Variants in ARHGAP26 observed in about 807,000 individuals in gnomAD.
The protein encoded by ARHGAP26 is Rho GTPase activating protein 26.
In ARHGAP26, 38 loss-of-function variants were observed where a neutral mutation model predicts 104.8. That is an observed-to-expected ratio of 0.36 (90% confidence interval 0.28 to 0.48). The LOEUF is 0.48. ARHGAP26 is among the 20% of genes least tolerant of loss of function. The pLI, the probability that ARHGAP26 is intolerant of heterozygous loss-of-function variation, is 0.99. For synonymous variants in ARHGAP26, 341 were observed against 340.0 expected (o/e 1.00, Z -0.03); for missense variants, 704 against 947.9 (o/e 0.74, Z 3.38).
At chr5:142,846,190 G>T (rs1478163437) in intron 1 of ARHGAP26, among the ~76,000 whole-genome samples, 2 of 152,182 alleles carry the variant, frequency 1.3e-5, no homozygotes, top group Non-Finnish European at 2.9e-5. Flanking sequence ...CCAGACGCTG[G>T]CTTTGTGTAT....
intron 16 of ARHGAP26, among the ~76,000 whole-genome samples, chr5:143,057,291 T>C (rs1446304275): frequency 3.3e-5 from 5 of 152,294 alleles, no homozygotes; most frequent in Non-Finnish European, 7.4e-5. Flanking sequence ...TGCATAAAGT[T>C]CCTTACTTCC....
intron 20 of ARHGAP26, among the ~76,000 whole-genome samples, chr5:143,178,001 T>C (rs1297614637): frequency 7.5e-6 from 1 of 132,718 alleles, no homozygotes; most frequent in East Asian, 2.1e-4. Flanking sequence ...TTTTTTTTTT[T>C]TTTTTTTTTT....
At chr5:143,183,100 A>T (rs1265315384) in intron 20 of ARHGAP26, among the ~76,000 whole-genome samples, 1 of 151,962 alleles carries the variant, frequency 6.6e-6, no homozygotes, top group African/African-American at 2.4e-5. Context: ...AAGAAAAAAA[A>T]ACCTCATTTC....
At chr5:142,785,033 C>G (rs1229613141) in intron 1 of ARHGAP26, among the ~76,000 whole-genome samples, 1 of 150,676 alleles carries the variant, frequency 6.6e-6, no homozygotes, top group Non-Finnish European at 1.5e-5. Context: ...TGAGTTCATG[C>G]CATTCTCTTG....
In ARHGAP26 at chr5:142,876,148, G is replaced by A. The variant is rs79964990; in HGVS notation, c.312+977G>A. ...TAAGATATGAGGAATGAAGTCCCCT[G>A]CTGACTTGAAGTCCCCTGCTGCCTG... is the stretch of plus-strand genomic sequence containing the variant. On this transcript the variant is annotated intron_variant, in intron 3 of 22. Transcript: ENST00000645722. Among the ~76,000 whole-genome samples the A allele has an allele frequency of 3.8e-3, 578 of 152,244 alleles. 18 individuals are homozygous for A. The East Asian group carries it at 0.079, about 21-fold the overall frequency.
chr5:142,870,428 T>G (rs1239298805), intron 1 of ARHGAP26, among the ~76,000 whole-genome samples: 2 of 152,204 alleles, frequency 1.3e-5, no homozygotes, highest in Non-Finnish European at 2.9e-5. Flanking sequence ...AGGGTTTACC[T>G]TAATGGGGTG....
intron 17 of ARHGAP26, among the ~76,000 whole-genome samples, chr5:143,103,757 G>T (rs1793600009): frequency 6.6e-6 from 1 of 152,104 alleles, no homozygotes; most frequent in South Asian, 2.1e-4. Context: ...AGAACATATG[G>T]GCACAGGGAG....
chr5:143,008,162 T>C (rs145461597), intron 11 of ARHGAP26, among the ~76,000 whole-genome samples: 21 of 152,374 alleles, frequency 1.4e-4, no homozygotes, highest in Middle Eastern at 3.4e-3. Context: ...TTGAATATTG[T>C]ATATCTATGA....
chr5:143,221,923 T>TGGATGGAAGGAA (rs1811205715), intron 22 of ARHGAP26, among the ~76,000 whole-genome samples: 1 of 150,200 alleles, frequency 6.7e-6, no homozygotes, highest in Non-Finnish European at 1.5e-5. Flanking sequence ...GGTGGATGGA[T>TGGATGGAAGGAA]GGAAGGAAGG....
intron 11 of ARHGAP26, among the ~76,000 whole-genome samples, chr5:142,992,650 A>G (rs2152760014): frequency 6.6e-6 from 1 of 152,032 alleles, no homozygotes; most frequent in South Asian, 2.1e-4. Flanking sequence ...GATGGTCTCG[A>G]TCTCCTGACC....
At chr5:142,948,376 A>G (rs1767490470) in intron 11 of ARHGAP26, among the ~76,000 whole-genome samples, 1 of 150,622 alleles carries the variant, frequency 6.6e-6, no homozygotes, top group South Asian at 2.1e-4. Flanking sequence ...TATATATATG[A>G]GTATATATGA....
intron 17 of ARHGAP26, among the ~76,000 whole-genome samples, chr5:143,062,521 T>G (rs945503585): frequency 6.1e-5 from 1 of 16,412 alleles, no homozygotes; most frequent in Admixed American, 4.2e-4. Context: ...TAGCTTGGGT[T>G]TTTTTTTTTT....
intron 10 of ARHGAP26, among the ~76,000 whole-genome samples, chr5:142,918,292 A>G (rs769873381): frequency 6.6e-6 from 1 of 152,018 alleles, no homozygotes; most frequent in Non-Finnish European, 1.5e-5. Context: ...GACCACAGGC[A>G]TGCACCACCC....
chr5:143,170,820 T>C (rs1379809701), intron 20 of ARHGAP26, among the ~76,000 whole-genome samples: 1 of 152,158 alleles, frequency 6.6e-6, no homozygotes, highest in Non-Finnish European at 1.5e-5. Flanking sequence ...GGTTGGGTAT[T>C]GGCAAGCTAC....
chr5:142,888,110 G>T (rs114406431), intron 5 of ARHGAP26, among the ~76,000 whole-genome samples: 1 of 152,328 alleles, frequency 6.6e-6, no homozygotes, highest in Non-Finnish European at 1.5e-5. Context: ...ATGGTGTTAA[G>T]CACTTTACAT....
intron 1 of ARHGAP26, among the ~76,000 whole-genome samples, chr5:142,869,383 AT>A (rs34964714): frequency 0.17 from 25,013 of 147,718 alleles, 3,084 homozygotes; most frequent in East Asian, 0.5. Context: ...ATTTTATTTT[AT>A]TTTTTTTTGT....
chr5:143,047,660 G>T (rs927914854), intron 14 of ARHGAP26, among the ~76,000 whole-genome samples: 3 of 152,012 alleles, frequency 2.0e-5, no homozygotes, highest in African/African-American at 7.2e-5. Context: ...ATTTTTAAAT[G>T]TATCTTTTTA....
intron 17 of ARHGAP26, among the ~76,000 whole-genome samples, chr5:143,094,626 C>G (rs879758639): frequency 7.2e-5 from 11 of 152,252 alleles, no homozygotes; most frequent in Non-Finnish European, 1.6e-4. Flanking sequence ...ACAGATGGAA[C>G]AATGGTGAGC....
chr5:143,037,902 G>C (rs757788857), intron 13 of ARHGAP26, among the ~76,000 whole-genome samples: 5 of 152,220 alleles, frequency 3.3e-5, no homozygotes, highest in Non-Finnish European at 5.9e-5. Flanking sequence ...CACCCAGGTA[G>C]AGAAAAGGGG....
Sources: allele counts gnomAD v4.1 joint callset (sites outside exome capture counted in the v4.1 genomes callset), GRCh38; gene constraint gnomAD v4.1.1; transcripts MANE v1.5; gene names NCBI Gene and HGNC (gene_info 2026-07-23, HGNC 2026-07-21).